PPM1H: variants seen among roughly 807,000 people sequenced by gnomAD.
PPM1H encodes the protein protein phosphatase 1H.
Under a neutral mutation model 54.9 loss-of-function variants are expected in PPM1H, and 27 were observed. That is an observed-to-expected ratio of 0.49 (90% CI 0.36 to 0.68). The LOEUF is 0.68. Among genes scored for constraint, PPM1H ranks in the 30% least tolerant of loss-of-function variants. The pLI, the probability that PPM1H is intolerant of heterozygous loss-of-function variation, is 0.00. For missense variants in PPM1H, 596 were observed against 667.8 expected, an observed-to-expected ratio of 0.89 and a Z score of 1.19; for synonymous variants, 305 against 270.8, an observed-to-expected ratio of 1.13 and a Z score of -1.24.
intron 8 of PPM1H, among the ~76,000 whole-genome samples, chr12:62,682,733 G>A (rs199663189): frequency 6.6e-6 from 1 of 152,200 alleles, no homozygotes; most frequent in East Asian, 1.9e-4. Flanking sequence ...TGAACTCCTA[G>A]GCTCAGGTGA....
At chr12:62,792,874 TTA>T (rs1204280006) in intron 3 of PPM1H, among the ~76,000 whole-genome samples, 1 of 152,208 alleles carries the variant, frequency 6.6e-6, no homozygotes, top group Non-Finnish European at 1.5e-5. Context: ...ACATGATATA[TTA>T]AGTCAATAAA....
intron 4 of PPM1H, among the ~76,000 whole-genome samples, chr12:62,764,274 A>G (rs1235164621): frequency 6.6e-6 from 1 of 152,162 alleles, no homozygotes; most frequent in Non-Finnish European, 1.5e-5. Context: ...CCCCTGGCTT[A>G]TGTCCTATAT....
At chr12:62,865,734 T>C (rs535858753) in intron 1 of PPM1H, among the ~76,000 whole-genome samples, 2 of 152,142 alleles carry the variant, frequency 1.3e-5, no homozygotes, top group Non-Finnish European at 2.9e-5. Context: ...TGGGATCAAA[T>C]GATCCACCTG....
At chr12:62,840,694 G>A (rs758543561) in intron 1 of PPM1H, among the ~76,000 whole-genome samples, 10 of 152,170 alleles carry the variant, frequency 6.6e-5, no homozygotes, top group Non-Finnish European at 7.4e-5. Context: ...AAGAGGTGTA[G>A]GGTGTGACCT....
At chr12:62,912,599 T>A (rs1416749262) in intron 1 of PPM1H, among the ~76,000 whole-genome samples, 2 of 152,190 alleles carry the variant, frequency 1.3e-5, no homozygotes, top group Non-Finnish European at 2.9e-5. Context: ...CCTTCTACTA[T>A]GATATCCCAG....
In PPM1H at chr12:62,720,234, C is replaced by G; in HGVS notation, c.1010G>C (p.Arg337Thr). Residue 337 changes from arginine to threonine, a missense_variant, in exon 6 of 10, where the codon AGG becomes ACG. This residue lies in a region of PPM1H where 208 missense variants were observed against 259.5 expected (regional missense o/e 0.80). Transcript: ENST00000228705. Reference sequence around the variant, plus strand: ...TCCAAGCTCCTTTCTCTGTACTCTCCTTGGAAACTCCAAATGTGTGAACTC... The same window carrying G: ...TCCAAGCTCCTTTCTCTGTACTCTCGTTGGAAACTCCAAATGTGTGAACTC... ...GNEFTHLEFP[R>T]RVQRKELGKK... 9 of 1,613,866 alleles carry G rather than the reference C, an allele frequency of 5.6e-6. No homozygotes were observed. The highest frequency in any genetic ancestry group is 7.6e-6 in the Non-Finnish European group (9 of 1,179,790).
intron 1 of PPM1H, among the ~76,000 whole-genome samples, chr12:62,860,513 T>C (rs1020974354): frequency 1.3e-5 from 2 of 152,162 alleles, no homozygotes; most frequent in African/African-American, 2.4e-5. Flanking sequence ...CTGATAATTA[T>C]GGGAAAAGCA....
At chr12:62,761,894 T>G (rs1592585466) in intron 4 of PPM1H, among the ~76,000 whole-genome samples, 2 of 152,264 alleles carry the variant, frequency 1.3e-5, no homozygotes, top group South Asian at 4.1e-4. Context: ...CTCTGCAGAC[T>G]GGTGTGAGGG....
intron 1 of PPM1H, among the ~76,000 whole-genome samples, chr12:62,895,862 C>G (rs1472363449): frequency 6.6e-6 from 1 of 152,128 alleles, no homozygotes; most frequent in African/African-American, 2.4e-5. Context: ...GCTTCTTGTA[C>G]AGCCTGCAGA....
intron 4 of PPM1H, among the ~76,000 whole-genome samples, chr12:62,744,424 T>C (rs949398536): frequency 4.0e-5 from 6 of 149,548 alleles, no homozygotes; most frequent in Non-Finnish European, 7.4e-5. Flanking sequence ...TGAGCCGAGG[T>C]TGCACCACTG....
chr12:62,722,920 G>A (rs925647376), intron 5 of PPM1H, among the ~76,000 whole-genome samples: 1 of 152,156 alleles, frequency 6.6e-6, no homozygotes, highest in African/African-American at 2.4e-5. Flanking sequence ...ACATACATAC[G>A]TACACAGATG....
intron 6 of PPM1H, among the ~76,000 whole-genome samples, chr12:62,703,245 C>T (rs543657725): frequency 5.3e-5 from 8 of 152,244 alleles, no homozygotes; most frequent in Admixed American, 3.3e-4. Flanking sequence ...GGAGCATACC[C>T]GTGCAACTTT....
In PPM1H at chr12:62,788,352, C is replaced by A; in HGVS notation, c.757-14G>T. 6.8e-7 allele frequency: 1 copy of A among 1,469,128 alleles called. No homozygotes were observed. The highest frequency in any genetic ancestry group is 9.4e-7 in the Non-Finnish European group (1 of 1,068,840). 91.0% of individuals were successfully genotyped at this position (1,469,128 alleles called of 1,614,324 possible). ...TATCTGTAGGTCCTGGAGAATAAAA[C>A]AGAGTTAGTGTTGGATTGTGCAGGA... On this transcript the variant is annotated splice_polypyrimidine_tract_variant and intron_variant, in intron 3 of 9. Coordinates refer to ENST00000228705, the MANE Select transcript of PPM1H (RefSeq NM_020700.2).
chr12:62,800,221 C>T (rs780207141), intron 3 of PPM1H, among the ~76,000 whole-genome samples: 8 of 152,154 alleles, frequency 5.3e-5, no homozygotes, highest in East Asian at 1.9e-4. Context: ...TACCTGATGC[C>T]GTGAGATCCT....
chr12:62,772,034 T>A (rs2076582441), intron 4 of PPM1H, among the ~76,000 whole-genome samples: 1 of 152,226 alleles, frequency 6.6e-6, no homozygotes, highest in Admixed American at 6.5e-5. Context: ...GTTAAGTAAC[T>A]GGCTGGAGGT....
intron 1 of PPM1H, among the ~76,000 whole-genome samples, chr12:62,915,722 G>A (rs1369863372): frequency 6.6e-6 from 1 of 152,120 alleles, no homozygotes; most frequent in Admixed American, 6.5e-5. Context: ...GGACATGCCT[G>A]GCAGACCTAA....
At chr12:62,908,095 G>T (rs115568753) in intron 1 of PPM1H, among the ~76,000 whole-genome samples, 2 of 152,138 alleles carry the variant, frequency 1.3e-5, no homozygotes, top group African/African-American at 4.8e-5. Context: ...AATCAAAATC[G>T]TGCATGCATG....
Position 62,648,173 on chromosome 12 carries a change from A to C in PPM1H, c.*316T>G. The C allele has an allele frequency of 9.4e-6, 2 of 213,334 alleles. No homozygotes were observed. The highest frequency in any genetic ancestry group is 9.7e-6 in the Non-Finnish European group (1 of 103,506). The allele number at this position is 213,334 out of a possible 1,614,324, so 13.2% of individuals were successfully genotyped here. The stretch of plus-strand genomic sequence containing the variant: ...ACACCTGAAAATGGCTGCCCCAGCT[A>C]CTCTAGATAAAATAAATATGACATA... On this transcript the variant is annotated 3_prime_UTR_variant, in exon 10 of 10. Coordinates refer to ENST00000228705, the MANE Select transcript of PPM1H (RefSeq NM_020700.2).
At chr12:62,893,391 A>G (rs1457915854) in intron 1 of PPM1H, among the ~76,000 whole-genome samples, 5 of 151,966 alleles carry the variant, frequency 3.3e-5, no homozygotes, top group Non-Finnish European at 5.9e-5. Flanking sequence ...CTGTGTACTA[A>G]TCTCCTTTTC....
Sources: gnomAD v4.1 joint callset for allele counts (sites outside exome capture counted in the v4.1 genomes callset) on GRCh38, gnomAD v4.1.1 for gene constraint, gnomAD v4.1.1 regional missense constraint, MANE v1.5 for transcripts, NCBI Gene and HGNC (gene_info 2026-07-23, HGNC 2026-07-21) for gene names.